The following RASGRF2 variants were observed in gnomAD, a reference collection of about 807,000 sequenced individuals.
RASGRF2 encodes the protein ras-specific guanine nucleotide-releasing factor 2.
Under a neutral mutation model 151.0 loss-of-function variants are expected in RASGRF2, and 76 were observed. That is an observed-to-expected ratio of 0.50 (90% CI 0.42 to 0.61). The LOEUF is 0.61. RASGRF2 is among the 20% of genes least tolerant of loss of function. The pLI, the probability that RASGRF2 is intolerant of heterozygous loss-of-function variation, is 0.00. For synonymous variants in RASGRF2, 504 were observed against 566.5 expected (o/e 0.89, Z 1.57); for missense variants, 1,148 against 1,564.6 (o/e 0.73, Z 4.49).
intron 15 of RASGRF2, among the ~76,000 whole-genome samples, chr5:81,118,130 A>G (rs1753208835): frequency 6.6e-6 from 1 of 151,926 alleles, no homozygotes; most frequent in Non-Finnish European, 1.5e-5. Context: ...CAATGGCCTC[A>G]CTCTCATGGC....
At chr5:80,969,753 G>C (rs1344924162) in intron 1 of RASGRF2, among the ~76,000 whole-genome samples, 1 of 144,972 alleles carries the variant, frequency 6.9e-6, no homozygotes, top group Non-Finnish European at 1.5e-5. Flanking sequence ...GCCTGGCTAA[G>C]CACTCTTATT....
chr5:81,166,608 A>G (rs1260028149), intron 17 of RASGRF2, among the ~76,000 whole-genome samples: 1 of 152,022 alleles, frequency 6.6e-6, no homozygotes, highest in African/African-American at 2.4e-5. Context: ...GGTGTTGAGG[A>G]AAGGCCTCTG....
chr5:81,077,112 G>T (rs1206874792), intron 5 of RASGRF2, among the ~76,000 whole-genome samples: 1 of 152,136 alleles, frequency 6.6e-6, no homozygotes, highest in African/African-American at 2.4e-5. Context: ...CAATAAAAAG[G>T]TGGTGGGATC....
chr5:81,059,479 A>G (rs1287972725), intron 2 of RASGRF2, among the ~76,000 whole-genome samples: 3 of 151,472 alleles, frequency 2.0e-5, no homozygotes, highest in Admixed American at 1.3e-4. Flanking sequence ...CTATTGATCT[A>G]CGTGATTTAG....
chr5:81,004,905 T>C (rs1258727519), intron 1 of RASGRF2, among the ~76,000 whole-genome samples: 2 of 152,184 alleles, frequency 1.3e-5, no homozygotes, highest in Admixed American at 6.5e-5. Flanking sequence ...CAGAGTGCAG[T>C]ACACGTTGAT....
intron 10 of RASGRF2, among the ~76,000 whole-genome samples, chr5:81,093,281 A>G (rs1192318348): frequency 6.6e-6 from 1 of 152,250 alleles, no homozygotes; most frequent in Admixed American, 6.5e-5. Flanking sequence ...ACTGAGCTAC[A>G]AAAATCTTCT....
In RASGRF2 at chr5:81,057,435, G is replaced by C. The variant is rs565102241; in HGVS notation, c.396-10597G>C. On this transcript the variant is annotated intron_variant, in intron 2 of 26. Transcript: ENST00000265080. ...TTTGCCCTTCTATAAGATAACTAAG[G>C]TCTGTAATTTCACACTGTGCCTCTG... 2.0e-5 allele frequency among the ~76,000 whole-genome samples: 3 copies of C among 152,242 alleles called. No individual in the cohort carries two copies. The South Asian group carries it at 6.2e-4, about 32-fold the overall frequency.
At chr5:81,142,310 T>C (rs1328472580) in intron 17 of RASGRF2, among the ~76,000 whole-genome samples, 1 of 152,156 alleles carries the variant, frequency 6.6e-6, no homozygotes, top group African/African-American at 2.4e-5. Context: ...TTGATGGCAA[T>C]GTGCTGCACG....
chr5:81,109,202 G>A, intron 13 of RASGRF2, 124 bp downstream of exon 13: 1 of 1,406,672 alleles, frequency 7.1e-7, no homozygotes. Context: ...TTTCTTGACA[G>A]GAATGCAGTG....
chr5:81,204,805 T>C (rs1445107760), intron 19 of RASGRF2, among the ~76,000 whole-genome samples: 2 of 152,158 alleles, frequency 1.3e-5, no homozygotes, highest in Non-Finnish European at 2.9e-5. Context: ...CATAAAATGT[T>C]AGGTAACTTA....
chr5:81,016,347 C>G (rs1749636429), intron 1 of RASGRF2, among the ~76,000 whole-genome samples: 1 of 152,194 alleles, frequency 6.6e-6, no homozygotes, highest in African/African-American at 2.4e-5. Flanking sequence ...CTCAGATTCT[C>G]AGATTCCTTG....
chr5:81,087,317 C>G (rs774081598), intron 9 of RASGRF2: 121 of 703,054 alleles, frequency 1.7e-4, no homozygotes, highest in East Asian at 9.1e-4. Flanking sequence ...GAGAAACTTG[C>G]GTTGCTCAAA....
At chr5:81,075,879 CA>C (rs1184923318) in intron 5 of RASGRF2, among the ~76,000 whole-genome samples, 1 of 152,132 alleles carries the variant, frequency 6.6e-6, no homozygotes, top group Non-Finnish European at 1.5e-5. Flanking sequence ...ATGGTATTAC[CA>C]AGCAAGTGAG....
intron 1 of RASGRF2, chr5:80,998,002 A>G (rs554176440): frequency 6.6e-6 from 1 of 151,476 alleles, no homozygotes; most frequent in East Asian, 1.9e-4. Flanking sequence ...AGTTGTTAAG[A>G]CTTTGAGCTC....
intron 7 of RASGRF2, among the ~76,000 whole-genome samples, chr5:81,083,941 G>C (rs1322007087): frequency 6.6e-6 from 1 of 152,158 alleles, no homozygotes; most frequent in Non-Finnish European, 1.5e-5. Flanking sequence ...TATGATTCTT[G>C]GTTTTGGGGG....
chr5:81,062,629 G>T (rs1751478606), intron 2 of RASGRF2, among the ~76,000 whole-genome samples: 1 of 152,102 alleles, frequency 6.6e-6, no homozygotes. Context: ...TTCCATAGTG[G>T]TTATAACAAA....
In RASGRF2 at chr5:81,113,618, G is replaced by A. The variant is rs751655078; in HGVS notation, c.2168G>A (p.Arg723His). 9.9e-6 allele frequency: 16 copies of A among 1,610,136 alleles called. No individual in the cohort carries two copies. The highest frequency in any genetic ancestry group is 1.4e-5 in the Non-Finnish European group (16 of 1,176,420). The change falls in exon 15 of 27, where the codon CGC becomes CAC. Residue 723 changes from arginine (R) to histidine (H), a missense_variant. By Grantham distance (29) the Arg-to-His change is conservative. Coordinates refer to ENST00000265080, the MANE Select transcript of RASGRF2 (RefSeq NM_006909.3). ...GATGGCAAATCCCCACGTCTGTGTC[G>A]CAAATTCTCTTCCCCGCCACCACTG... ...LVDGKSPRLC[R>H]KFSSPPPLAV... is the part of the protein sequence containing the mutation.
intron 12 of RASGRF2, among the ~76,000 whole-genome samples, chr5:81,102,103 T>G (rs16878447): frequency 0.028 from 4,290 of 152,294 alleles, 73 homozygotes; most frequent in Non-Finnish European, 0.046. Context: ...GGAAATCTCT[T>G]GTTGCCAGAA....
intron 17 of RASGRF2, among the ~76,000 whole-genome samples, chr5:81,138,004 G>T (rs896904646): frequency 6.6e-6 from 1 of 152,184 alleles, no homozygotes; most frequent in Admixed American, 6.5e-5. Flanking sequence ...GATGTTTGCT[G>T]TAGCTATAGG....
Sources: allele counts gnomAD v4.1 joint callset (sites outside exome capture counted in the v4.1 genomes callset), GRCh38; gene constraint gnomAD v4.1.1; transcripts MANE v1.5; gene names NCBI Gene and HGNC (gene_info 2026-07-23, HGNC 2026-07-21).